SPNS3: variants seen among roughly 807,000 people sequenced by gnomAD.
SPNS3 encodes the protein protein spinster homolog 3.
SPNS3 carries 51 observed loss-of-function variants against 54.4 expected under a neutral mutation model. The ratio of observed to expected loss-of-function variants is 0.94; its 90% CI spans 0.75 to 1.18. The LOEUF (loss-of-function observed/expected upper bound fraction) is 1.18, where lower values mean the gene tolerates loss of function less well. Ranked by LOEUF, SPNS3 falls within the 50% of genes most tolerant of loss-of-function variation. The pLI is 0.00. For missense variants in SPNS3, 669 were observed against 677.4 expected (o/e 0.99, Z 0.14); for synonymous variants, 309 against 294.7 (o/e 1.05, Z -0.50).
intron 11 of SPNS3, among the ~76,000 whole-genome samples, chr17:4,487,167 C>CAAA (rs35822922): frequency 5.5e-4 from 39 of 70,502 alleles, no homozygotes; most frequent in Non-Finnish European, 6.3e-4. Flanking sequence ...AAGACTGTCT[C>CAAA]AAAAAAAAAA....
chr17:4,458,820 CAG>C (rs1341309078), intron 8 of SPNS3, among the ~76,000 whole-genome samples: 1 of 151,644 alleles, frequency 6.6e-6, no homozygotes, highest in Admixed American at 6.6e-5. Flanking sequence ...GCCTGGCTGA[CAG>C]AGTGAGCTTT....
intron 1 of SPNS3, among the ~76,000 whole-genome samples, chr17:4,435,454 T>TA (rs1203114569): frequency 2.8e-5 from 3 of 106,780 alleles, no homozygotes; most frequent in African/African-American, 9.7e-5. Flanking sequence ...AAAAAAAAAA[T>TA]AAAAAATAAA....
chr17:4,486,258 G>A lies in SPNS3; in HGVS notation c.1210G>A (p.Ala404Thr). 6.3e-7 allele frequency: 1 copy of A among 1,576,548 alleles called. No individual in the cohort carries two copies. Among genetic ancestry groups the A allele is most frequent in the South Asian group, 1.2e-5 (1 of 85,414 alleles). Reference protein sequence around the residue: ...SVVVPRCRGTAEALQITVGHI... With the variant: ...SVVVPRCRGTTEALQITVGHI... ...GGTGGTGCCCAGATGCCGGGGGACG[G>A]CAGAGGCACTTCAGATCACGGTGGG... The change falls in exon 10 of 12, where the codon GCA (alanine) becomes ACA (threonine). Residue 404 changes from alanine to threonine, a missense_variant. Physicochemically the swap from Ala to Thr is moderately conservative, Grantham distance 58. Coordinates refer to ENST00000355530, the MANE Select transcript of SPNS3 (RefSeq NM_182538.5). The surrounding 1 kb of genome is among the most constrained non-coding windows in gnomAD (Gnocchi z 5.5).
chr17:4,447,158 C>CA (rs1971020540), intron 5 of SPNS3, among the ~76,000 whole-genome samples, 196 bp downstream of exon 5: 1 of 152,138 alleles, frequency 6.6e-6, no homozygotes, highest in Non-Finnish European at 1.5e-5. Flanking sequence ...GCCGTGGGCT[C>CA]AAAAGCTGGC....
chr17:4,476,881 G>A (rs530608785), intron 8 of SPNS3, among the ~76,000 whole-genome samples: 1 of 152,342 alleles, frequency 6.6e-6, no homozygotes, highest in South Asian at 2.1e-4. Flanking sequence ...GCTGGGCCGC[G>A]TTCCTGTCCC....
intron 5 of SPNS3, among the ~76,000 whole-genome samples, chr17:4,447,331 A>AG (rs1971025795): frequency 6.6e-6 from 1 of 152,204 alleles, no homozygotes; most frequent in Admixed American, 6.6e-5. Flanking sequence ...GGTGTAGAGT[A>AG]GGCCCTTGAG....
At chr17:4,465,929 C>A (rs77109391) in intron 8 of SPNS3, among the ~76,000 whole-genome samples, 8,732 of 152,274 alleles carry the variant, frequency 0.057, 319 homozygotes, top group Middle Eastern at 0.12. Context: ...AGTGGCGAAG[C>A]CTACCAGGGT....
At position 4,446,908 on chromosome 17, in the gene SPNS3, C is replaced by G. The variant is rs771229721; in HGVS notation, c.567C>G (p.Tyr189Ter). The G allele has an allele frequency of 6.2e-7, 1 of 1,614,082 alleles. No homozygotes were observed. Among genetic ancestry groups the G allele is most frequent in the Non-Finnish European group, 8.5e-7 (1 of 1,180,002 alleles). The part of the protein sequence containing the change: ...IFIPVGSGLG[Y>*]VLGSAVTMLT... ...CCCTTTGTTGCAGTGGTCTGGGCTA[C>G]GTGCTGGGGTCGGCTGTGACGATGC... is the stretch of plus-strand genomic sequence containing the variant. The change falls in exon 5 of 12, where the codon TAC becomes TAG. Residue 189 changes from tyrosine (Y) to a stop codon, truncating the protein, a stop_gained. Coordinates refer to ENST00000355530, the MANE Select transcript of SPNS3 (RefSeq NM_182538.5). LOFTEE classifies it high-confidence loss of function.
rs76993660 is a variant in SPNS3, at chr17:4,446,809, G to C, written c.555-87G>C. 67 of 1,301,446 alleles carry C rather than the reference G, an allele frequency of 5.1e-5. 1 individual carries two copies. Among genetic ancestry groups the C allele is most frequent in the African/African-American group, 7.3e-5 (5 of 68,734 alleles). 80.6% of individuals were successfully genotyped at this position (1,301,446 alleles called of 1,614,324 possible). ...AGAGAGCCAGCTCCCTGGGGCGTGG[G>C]GGGGGCACCCTGGGTCAGGCTGGTG... On this transcript the variant is annotated intron_variant, in intron 4 of 11. Coordinates refer to ENST00000355530, the MANE Select transcript of SPNS3 (RefSeq NM_182538.5).
At chr17:4,445,878 C>A (rs62067395) in intron 3 of SPNS3, among the ~76,000 whole-genome samples, 170 bp from the exon 4 acceptor site, 1 of 151,930 alleles carries the variant, frequency 6.6e-6, no homozygotes, top group African/African-American at 2.4e-5. Context: ...AGGGGACACA[C>A]GTTTGACTTT....
At chr17:4,458,542 T>G (rs1327587550) in intron 8 of SPNS3, among the ~76,000 whole-genome samples, 1 of 55,694 alleles carries the variant, frequency 1.8e-5, no homozygotes, top group Admixed American at 2.6e-4. Context: ...CTTCCTTCCT[T>G]CCTTTCCTTC....
chr17:4,453,335 TC>T, intron 8 of SPNS3, 130 bp downstream of exon 8: 1 of 883,522 alleles, frequency 1.1e-6, no homozygotes, highest in Non-Finnish European at 1.7e-6. Context: ...GAGCTTGTTA[TC>T]CCCATTTTAC....
chr17:4,434,176 G>A lies in SPNS3; in HGVS notation c.199+10G>A. On this transcript the variant is annotated intron_variant, in intron 1 of 11. Transcript: ENST00000355530. Reference sequence around the variant, plus strand: ...TGGTTCATCATTGCAGGTGAGGAGGGGATGGCTACCCTGGGCAGTACCTGC... The same window carrying A: ...TGGTTCATCATTGCAGGTGAGGAGGAGATGGCTACCCTGGGCAGTACCTGC... 1 of 1,603,862 alleles carries A rather than the reference G, an allele frequency of 6.2e-7. No individual in the cohort carries two copies. The highest frequency in any genetic ancestry group is 8.5e-7 in the Non-Finnish European group (1 of 1,174,578).
intron 7 of SPNS3, among the ~76,000 whole-genome samples, chr17:4,451,264 T>C (rs1971156955): frequency 6.8e-6 from 1 of 146,000 alleles, no homozygotes; most frequent in Non-Finnish European, 1.5e-5. Context: ...TTTTTTTTTT[T>C]CCATTTGAGA....
rs1341380687 is a variant in SPNS3 at position 4,445,250 on chromosome 17, G to A, written c.402+82G>A. 7 of 1,421,500 alleles carry A rather than the reference G, an allele frequency of 4.9e-6. No individual in the cohort carries two copies. The African/African-American group carries it at 5.7e-5, about 12-fold the overall frequency. 88.1% of individuals were successfully genotyped at this position (1,421,500 alleles called of 1,614,324 possible). ...CCTGATTCAGCCCCGTCAGAGCTGC[G>A]TGGGGACAATTCTGCTCCATTCCTG... On this transcript the variant is annotated intron_variant, in intron 3 of 11. Coordinates refer to ENST00000355530, the MANE Select transcript of SPNS3 (RefSeq NM_182538.5).
chr17:4,452,334 A>G (rs1374631791), intron 7 of SPNS3, among the ~76,000 whole-genome samples: 1 of 152,204 alleles, frequency 6.6e-6, no homozygotes, highest in African/African-American at 2.4e-5. Context: ...TCCTGCCACA[A>G]AATGCACTCC....
rs370905959 is a variant in SPNS3, at chr17:4,450,415, T to G, written c.923+1028T>G. Among the ~76,000 whole-genome samples, 7 of 140,000 alleles carry G rather than the reference T, an allele frequency of 5.0e-5. No individual in the cohort carries two copies. The East Asian group carries it at 1.5e-3, about 30-fold the overall frequency. The allele number at this position is 140,000 out of a possible 152,430, so 91.8% of individuals were successfully genotyped here. A position where few individuals can be genotyped will look rare whatever the true frequency, so the allele number is the denominator to read the frequency against. On this transcript the variant is annotated intron_variant, in intron 7 of 11. Transcript: ENST00000355530. The stretch of plus-strand genomic sequence containing the variant: ...TCCCTCCCTCCCTTCCTTACTTCTC[T>G]TCTTTTCTTTCTTTTTTGAGTCAAG...
rs1157748890 is a variant in SPNS3 at position 4,446,889 on chromosome 17, G to T, written c.555-7G>T. ...CACAGCCCATCGCCCCTGCCCCTTT[G>T]TTGCAGTGGTCTGGGCTACGTGCTG... On this transcript the variant is annotated splice_region_variant and splice_polypyrimidine_tract_variant and intron_variant, in intron 4 of 11. Coordinates refer to ENST00000355530, the MANE Select transcript of SPNS3 (RefSeq NM_182538.5). 6.2e-7 allele frequency: 1 copy of T among 1,613,954 alleles called. No individual in the cohort carries two copies. The highest frequency in any genetic ancestry group is 1.7e-5 in the Admixed American group (1 of 60,022).
At chr17:4,459,673 A>G (rs1971442455) in intron 8 of SPNS3, among the ~76,000 whole-genome samples, 1 of 152,136 alleles carries the variant, frequency 6.6e-6, no homozygotes, top group Non-Finnish European at 1.5e-5. Context: ...AGATTGCGCC[A>G]TTGCACTCCA....
Sources: allele counts gnomAD v4.1 joint callset (sites outside exome capture counted in the v4.1 genomes callset), GRCh38; gene constraint gnomAD v4.1.1; non-coding constraint Gnocchi (gnomAD v3.1); transcripts MANE v1.5; gene names NCBI Gene and HGNC (gene_info 2026-07-23, HGNC 2026-07-21).